NFASC: variants seen among roughly 807,000 people sequenced by gnomAD.
NFASC encodes neurofascin homolog.
NFASC carries 43 observed loss-of-function variants against 147.5 expected under a neutral mutation model. The observed-to-expected ratio is 0.29, with a 90% CI of 0.23 to 0.38. NFASC has a LOEUF of 0.38. Ranked by LOEUF, NFASC falls within the 10% of genes least tolerant of loss-of-function variation. NFASC has a pLI of 1.00. For synonymous variants in NFASC, 622 were observed against 665.5 expected (o/e 0.93, Z 1.01); for missense variants, 1,320 against 1,689.0 (o/e 0.78, Z 3.83).
At chr1:204,911,756 T>C (rs1202716654) in intron 1 of NFASC, among the ~76,000 whole-genome samples, 3 of 152,180 alleles carry the variant, frequency 2.0e-5, no homozygotes, top group Non-Finnish European at 4.4e-5. Context: ...CCATCTGGCC[T>C]GAAGGTTTCC....
rs562361152 is a variant in NFASC at position 204,997,867 on chromosome 1, G to A, written c.3019+461G>A. 71 of 210,954 alleles carry A rather than the reference G, an allele frequency of 3.4e-4. 1 individual carries two copies. The highest frequency in any genetic ancestry group is 1.2e-3 in the African/African-American group (52 of 42,976). The allele number at this position is 210,954 out of a possible 1,614,324, so 13.1% of individuals were successfully genotyped here. On this transcript the variant is annotated intron_variant, in intron 25 of 29. Coordinates refer to ENST00000339876, the MANE Select transcript of NFASC (RefSeq NM_001005388.3). ...AGTTTCCTGCCCTGGCCACGTCTGC[G>A]TCCGGCCTAGAGGCTGAGCAGCAGG...
At position 204,954,166 on chromosome 1, in the gene NFASC, C is replaced by T. The variant is rs2094304671; in HGVS notation, c.216-22C>T. On this transcript the variant is annotated intron_variant, in intron 5 of 29. Coordinates refer to ENST00000339876, the MANE Select transcript of NFASC (RefSeq NM_001005388.3). The surrounding 1 kb of genome is among the most constrained non-coding windows in gnomAD (Gnocchi z 5.7). ...AGCCCACCCCATTCGTCTTGGTTGC[C>T]ACTGCTCCCCACTCTCCACAGCTTC... 12 of 1,612,852 alleles carry T rather than the reference C, an allele frequency of 7.4e-6. No individual in the cohort carries two copies. Among genetic ancestry groups the T allele is most frequent in the African/African-American group, 4.0e-5 (3 of 75,014 alleles).
At chr1:204,971,196 G>A (rs2095243369) in intron 11 of NFASC, among the ~76,000 whole-genome samples, 1 of 152,154 alleles carries the variant, frequency 6.6e-6, no homozygotes, top group Non-Finnish European at 1.5e-5. Flanking sequence ...AAGCAGGGTT[G>A]TACAATAATG....
At chr1:204,967,437 T>C (rs1288137879) in intron 8 of NFASC, among the ~76,000 whole-genome samples, 1 of 152,138 alleles carries the variant, frequency 6.6e-6, no homozygotes, top group Non-Finnish European at 1.5e-5. Context: ...ATCCTGAAAA[T>C]GCCAATCTCT....
chr1:204,981,122 G>A (rs191154313), intron 20 of NFASC, among the ~76,000 whole-genome samples: 11 of 152,362 alleles, frequency 7.2e-5, no homozygotes, highest in Non-Finnish European at 1.0e-4. Flanking sequence ...TGCAGTGTTT[G>A]GGATCATGAC....
At position 204,958,920 on chromosome 1, in the gene NFASC, C is replaced by T. The variant is rs143473002; in HGVS notation, c.706+1094C>T. 3.1e-3 allele frequency among the ~76,000 whole-genome samples: 465 copies of T among 152,190 alleles called. 1 individual carries two copies. The highest frequency in any genetic ancestry group is 0.011 in the African/African-American group (438 of 41,544). ...GACAGGTAGGGGGTGTGACCATTAT[C>T]GTTCTCTTCCTTCCTCCCTATCCCT... On this transcript the variant is annotated intron_variant, in intron 8 of 29. Transcript: ENST00000339876.
chr1:204,864,329 A>T (rs1278723574), intron 1 of NFASC, among the ~76,000 whole-genome samples: 1 of 152,218 alleles, frequency 6.6e-6, no homozygotes, highest in Non-Finnish European at 1.5e-5. Flanking sequence ...TGAATATTGT[A>T]TATAAGTACC....
At position 204,859,833 on chromosome 1, in the gene NFASC, A is replaced by T. The variant is rs572723041; in HGVS notation, c.-200+31051A>T. On this transcript the variant is annotated intron_variant, in intron 1 of 29. Coordinates refer to ENST00000339876, the MANE Select transcript of NFASC (RefSeq NM_001005388.3). ...TCTTGTCTTTTCTCTGAGTTTGTAA[A>T]TCCTCATGCACAAAGATTAGGAAAA... Among the ~76,000 whole-genome samples the T allele has an allele frequency of 2.0e-4, 30 of 152,304 alleles. 1 individual carries two copies. Among genetic ancestry groups the T allele is most frequent in the South Asian group, 1.2e-3 (6 of 4,824 alleles).
At chr1:204,850,728 G>A (rs2075606656) in intron 1 of NFASC, among the ~76,000 whole-genome samples, 1 of 152,208 alleles carries the variant, frequency 6.6e-6, no homozygotes, top group Admixed American at 6.5e-5. Context: ...AGGCCTCCCA[G>A]CCATGCTTCT....
Position 204,981,799 on chromosome 1 carries a change from C to T in NFASC, c.2249C>T (p.Pro750Leu). Residue 750 changes from proline (P) to leucine (L), a missense_variant and splice_region_variant, in exon 21 of 30, where the codon CCC becomes CTC. Around this residue, in one of 3 missense-constraint regions of NFASC, gnomAD observed 981 missense variants for 1,289.5 expected, o/e 0.76. Coordinates refer to ENST00000339876, the MANE Select transcript of NFASC (RefSeq NM_001005388.3). ...RKNNMEITWTPMNATSAFGPN... is the reference protein window; with the variant it reads ...RKNNMEITWTLMNATSAFGPN... ...CAGCCTGTCTGTCCCTCTGCCCAGC[C>T]CATGAATGCCACCTCGGCCTTTGGC... 3 of 1,553,838 alleles carry T rather than the reference C, an allele frequency of 1.9e-6. No homozygotes were observed. The highest frequency in any genetic ancestry group is 2.6e-6 in the Non-Finnish European group (3 of 1,146,722).
chr1:204,895,812 T>C (rs1355105727), intron 1 of NFASC, among the ~76,000 whole-genome samples: 1 of 152,206 alleles, frequency 6.6e-6, no homozygotes, highest in Non-Finnish European at 1.5e-5. Flanking sequence ...CTTAAGACCC[T>C]ACATTTGAAT....
chr1:204,868,046 C>T (rs2077259377), intron 1 of NFASC, among the ~76,000 whole-genome samples: 1 of 152,262 alleles, frequency 6.6e-6, no homozygotes, highest in Non-Finnish European at 1.5e-5. Context: ...AGACAAAATA[C>T]TTTGTGGTGA....
At chr1:204,983,493 C>T (rs979342982) in intron 21 of NFASC, among the ~76,000 whole-genome samples, 1 of 152,158 alleles carries the variant, frequency 6.6e-6, no homozygotes, top group Admixed American at 6.5e-5. Flanking sequence ...ATAGATGAGT[C>T]CACAGCAAGC....
At chr1:205,012,421 G>A (rs1487415288) in intron 28 of NFASC, among the ~76,000 whole-genome samples, 1 of 152,212 alleles carries the variant, frequency 6.6e-6, no homozygotes. Flanking sequence ...TCCACAAATA[G>A]TTACACCACA....
At position 204,828,768 on chromosome 1, in the gene NFASC, C is replaced by T; in HGVS notation, c.-214C>T. On this transcript the variant is annotated 5_prime_UTR_variant, in exon 1 of 30. Coordinates refer to ENST00000339876, the MANE Select transcript of NFASC (RefSeq NM_001005388.3). ...GCTCGGACAGCGCCCAGGGCCGGAG[C>T]CCGAGCCCTTGGAGGTAGGCGAGCG... is the stretch of plus-strand genomic sequence containing the variant. The T allele has an allele frequency of 3.0e-6, 3 of 985,406 alleles. No homozygotes were observed. Among genetic ancestry groups the T allele is most frequent in the Non-Finnish European group, 3.6e-6 (3 of 829,986 alleles). The allele number at this position is 985,406 out of a possible 1,614,324, so 61.0% of individuals were successfully genotyped here.
chr1:204,983,063 C>T (rs902826526), intron 21 of NFASC, among the ~76,000 whole-genome samples: 13 of 152,150 alleles, frequency 8.5e-5, no homozygotes, highest in East Asian at 1.9e-4. Context: ...GACAGGAGCC[C>T]GATGGGACCA....
rs935313315 is a variant in NFASC, at chr1:204,901,982, T to C, written c.-199-18650T>C. Among the ~76,000 whole-genome samples, 6 of 152,240 alleles carry C rather than the reference T, an allele frequency of 3.9e-5. No individual in the cohort carries two copies. In the South Asian group the frequency reaches 1.2e-3, roughly 32 times the overall value. On this transcript the variant is annotated intron_variant, in intron 1 of 29. Transcript: ENST00000339876. The stretch of plus-strand genomic sequence containing the variant: ...TCAATCAAAGAATAAACAAGGCACT[T>C]ACCCAAGAGTAAATGAAGGGAGAAC...
At chr1:204,976,589 A>C (rs1357802559) in intron 15 of NFASC, 82 bp from the exon 16 acceptor site, 3 of 1,044,904 alleles carry the variant, frequency 2.9e-6, no homozygotes, top group Non-Finnish European at 4.3e-6. Flanking sequence ...TGACTCGAGA[A>C]CCCCCTCTAG....
intron 7 of NFASC, among the ~76,000 whole-genome samples, chr1:204,955,707 T>G (rs2094393469): frequency 6.6e-6 from 1 of 152,148 alleles, no homozygotes; most frequent in South Asian, 2.1e-4. Flanking sequence ...TGTGTCCTTC[T>G]GGCTTCCTGT....
Sources: allele counts gnomAD v4.1 joint callset (sites outside exome capture counted in the v4.1 genomes callset), GRCh38; gene constraint gnomAD v4.1.1; regional missense constraint gnomAD v4.1.1; non-coding constraint Gnocchi (gnomAD v3.1); transcripts MANE v1.5; gene names NCBI Gene and HGNC (gene_info 2026-07-23, HGNC 2026-07-21).